The following MIB1 variants were observed in gnomAD, a reference collection of about 807,000 sequenced individuals.
MIB1 encodes E3 ubiquitin-protein ligase MIB1.
A neutral mutation model predicts 124.5 loss-of-function variants in MIB1; 278 were observed. That is an observed-to-expected ratio of 2.23 (90% CI 2.02 to 2.47). MIB1 has a LOEUF of 2.47. Among genes scored for constraint, MIB1 ranks in the 30% most tolerant of loss-of-function variants. MIB1 has a pLI of 0.00. For synonymous variants in MIB1, 446 were observed against 429.4 expected, an observed-to-expected ratio of 1.04 and a Z score of -0.48; for missense variants, 957 against 1,254.4, an observed-to-expected ratio of 0.76 and a Z score of 3.58.
upstream of MIB1, among the ~76,000 whole-genome samples, chr18:21,739,731 G>GC (rs1228787495): frequency 5.7e-4 from 86 of 151,590 alleles, no homozygotes; most frequent in Middle Eastern, 3.4e-3. Context: ...GCTCCCCACT[G>GC]CCCCCCCGCT....
At chr18:21,839,759 C>T (rs2042065265) in intron 13 of MIB1, among the ~76,000 whole-genome samples, 1 of 152,168 alleles carries the variant, frequency 6.6e-6, no homozygotes, top group Non-Finnish European at 1.5e-5. Context: ...GCCTCAGCCT[C>T]CCAAAGTGCC....
chr18:21,717,165 A>G (rs960748443), intron 1 of MIB1, among the ~76,000 whole-genome samples: 7 of 152,194 alleles, frequency 4.6e-5, no homozygotes, highest in Non-Finnish European at 5.9e-5. Flanking sequence ...AGGACAACCT[A>G]TTCAACAAAT....
intron 12 of MIB1, among the ~76,000 whole-genome samples, chr18:21,824,984 A>G (rs942735343): frequency 2.0e-5 from 3 of 152,086 alleles, no homozygotes; most frequent in Non-Finnish European, 4.4e-5. Context: ...CATAGTATTT[A>G]TTGTTAGCAG....
chr18:21,733,868 G>A (rs1196301222), intron 1 of MIB1, among the ~76,000 whole-genome samples: 1 of 151,856 alleles, frequency 6.6e-6, no homozygotes, highest in Non-Finnish European at 1.5e-5. Context: ...ATCGTGTCCA[G>A]CTAATTTTGT....
At chr18:21,776,592 A>G (rs987779820) in intron 4 of MIB1, among the ~76,000 whole-genome samples, 1 of 152,210 alleles carries the variant, frequency 6.6e-6, no homozygotes, top group East Asian at 1.9e-4. Context: ...ATTATACCAC[A>G]GCTACCTCCC....
chr18:21,847,550 A>C (rs1388113685), intron 16 of MIB1, among the ~76,000 whole-genome samples: 1 of 152,208 alleles, frequency 6.6e-6, no homozygotes, highest in Non-Finnish European at 1.5e-5. Flanking sequence ...GGTTGGGCTT[A>C]AACTCCTGGG....
intron 8 of MIB1, among the ~76,000 whole-genome samples, chr18:21,799,255 G>A (rs1413173476): frequency 2.6e-5 from 4 of 151,928 alleles, no homozygotes; most frequent in African/African-American, 9.7e-5. Context: ...TCTTATGAAA[G>A]GGTTTAGGTA....
Position 21,849,355 on chromosome 18 carries a change from C to T in MIB1, c.2553C>T (p.Leu851=), listed in dbSNP as rs2042162711. Residue 851 remains leucine (L), a synonymous_variant, in exon 17 of 21, where the codon CTC becomes CTT. Transcript: ENST00000261537. ...GTTCTCCACGTGTCAAGAAATGCCT[C>T]ATCTGTAAAGAACAGGTTCAATCCA... ...SLCSPRVKKC[L]ICKEQVQSRT... The T allele has an allele frequency of 6.2e-7, 1 of 1,611,882 alleles. No homozygotes were observed. The highest frequency in any genetic ancestry group is 2.2e-5 in the East Asian group (1 of 44,726).
At chr18:21,706,685 G>T (rs1378142957) in intron 1 of MIB1, among the ~76,000 whole-genome samples, 1 of 152,128 alleles carries the variant, frequency 6.6e-6, no homozygotes, top group Non-Finnish European at 1.5e-5. Context: ...AGGGTGCCCC[G>T]GGTCCACCAG....
intron 1 of MIB1, among the ~76,000 whole-genome samples, chr18:21,746,583 A>G (rs1028490428): frequency 6.6e-6 from 1 of 152,198 alleles, no homozygotes; most frequent in African/African-American, 2.4e-5. Flanking sequence ...TCATCTAGGC[A>G]CTGATTTTAT....
At chr18:21,743,693 T>G (rs978727010) in intron 1 of MIB1, among the ~76,000 whole-genome samples, 2 of 152,212 alleles carry the variant, frequency 1.3e-5, no homozygotes, top group Non-Finnish European at 2.9e-5. Flanking sequence ...TTTGTTGTCG[T>G]GCTAGCTCAA....
intron 12 of MIB1, among the ~76,000 whole-genome samples, chr18:21,834,899 G>A (rs1422279243): frequency 6.6e-6 from 1 of 152,226 alleles, no homozygotes; most frequent in Non-Finnish European, 1.5e-5. Context: ...TGAAACAAAT[G>A]TACCATACTA....
chr18:21,847,253 T>A, intron 16 of MIB1, 128 bp downstream of exon 16: 2 of 849,722 alleles, frequency 2.4e-6, no homozygotes, highest in Non-Finnish European at 3.5e-6. Context: ...GTGTTGACCC[T>A]TTCTTTCCTG....
At chr18:21,801,879 A>G (rs2041654034) in intron 9 of MIB1, among the ~76,000 whole-genome samples, 1 of 152,076 alleles carries the variant, frequency 6.6e-6, no homozygotes, top group African/African-American at 2.4e-5. Context: ...CTTCTCACCC[A>G]TCAGCTTGAG....
chr18:21,766,127 A>C (rs528217517), intron 2 of MIB1, among the ~76,000 whole-genome samples, 184 bp downstream of exon 2: 1 of 152,188 alleles, frequency 6.6e-6, no homozygotes. Flanking sequence ...CTCTTTGAAG[A>C]TGGAGCTGTC....
At chr18:21,790,723 G>A (rs948799214) in intron 6 of MIB1, among the ~76,000 whole-genome samples, 1 of 152,164 alleles carries the variant, frequency 6.6e-6, no homozygotes, top group Non-Finnish European at 1.5e-5. Context: ...GCGTGTTTGT[G>A]TGAAATGGAA....
In MIB1 at chr18:21,848,146, C is replaced by A. The variant is rs137909162; in HGVS notation, c.2393+1021C>A. Among the ~76,000 whole-genome samples the A allele has an allele frequency of 4.6e-4, 70 of 152,224 alleles. No individual in the cohort carries two copies. In the East Asian group the frequency reaches 0.013, roughly 27 times the overall value. ...TTTCTTTAAGTGTATTGTTAAGGAACATGAAATTCTATTACAAAAAGAGAA... is the reference window on the plus strand; with the variant it reads ...TTTCTTTAAGTGTATTGTTAAGGAAAATGAAATTCTATTACAAAAAGAGAA... On this transcript the variant is annotated intron_variant, in intron 16 of 20. Coordinates refer to ENST00000261537, the MANE Select transcript of MIB1 (RefSeq NM_020774.4).
chr18:21,791,619 G>C lies in MIB1; in HGVS notation c.1092+62G>C, dbSNP rs1598613049. ...CAATATACTTATGTCATTTTTAAAA[G>C]TAAATTAATGTAGAAATTAAATTGG... On this transcript the variant is annotated intron_variant, in intron 7 of 20. Coordinates refer to ENST00000261537, the MANE Select transcript of MIB1 (RefSeq NM_020774.4). The C allele has an allele frequency of 8.4e-6, 11 of 1,303,914 alleles. No homozygotes were observed. In the East Asian group the frequency reaches 2.7e-4, roughly 32 times the overall value. The allele number at this position is 1,303,914 out of a possible 1,614,324, so 80.8% of individuals were successfully genotyped here. A position where few individuals can be genotyped will look rare whatever the true frequency, so the allele number is the denominator to read the frequency against.
intron 6 of MIB1, among the ~76,000 whole-genome samples, chr18:21,782,019 C>G (rs1028208404): frequency 3.9e-5 from 6 of 152,014 alleles, no homozygotes; most frequent in Non-Finnish European, 7.4e-5. Context: ...TTCTGCTGAT[C>G]TTTATTACTT....
Sources: allele counts gnomAD v4.1 joint callset (sites outside exome capture counted in the v4.1 genomes callset), GRCh38; gene constraint gnomAD v4.1.1; transcripts MANE v1.5; gene names NCBI Gene and HGNC (gene_info 2026-07-23, HGNC 2026-07-21).